The following TMLHE variants were observed in gnomAD, a reference collection of about 807,000 sequenced individuals.
TMLHE encodes the protein trimethyllysine hydroxylase, epsilon.
A neutral mutation model predicts 25.7 loss-of-function variants in TMLHE; 18 were observed. That is an observed-to-expected ratio of 0.70 (90% CI 0.48 to 1.04). TMLHE has a LOEUF of 1.04. Ranked by LOEUF, TMLHE falls within the 50% of genes least tolerant of loss-of-function variation. TMLHE has a pLI of 0.00. For missense variants in TMLHE, 236 were observed against 259.0 expected, an observed-to-expected ratio of 0.91 and a Z score of 0.61; for synonymous variants, 105 against 97.0, an observed-to-expected ratio of 1.08 and a Z score of -0.49.
chrX:155,602,258 C>G (rs1217882795), intron 1 of TMLHE, among the ~76,000 whole-genome samples: 2 of 111,483 alleles, frequency 1.8e-5, no homozygotes, highest in African/African-American at 6.5e-5. Flanking sequence ...AGGTAATACC[C>G]TATGTTACAT....
At chrX:155,584,017 G>T (rs1189353918) in intron 1 of TMLHE, among the ~76,000 whole-genome samples, 1 of 110,722 alleles carries the variant, frequency 9.0e-6, no homozygotes, top group Non-Finnish European at 1.9e-5. Context: ...CAATCAAAAA[G>T]ATATTCACAA....
rs1557345608 is a variant in TMLHE at position 155,588,849 on chromosome X, G to A, written c.-2+23943C>T. On this transcript the variant is annotated intron_variant, in intron 1 of 7. Coordinates refer to ENST00000334398, the MANE Select transcript of TMLHE (RefSeq NM_018196.4). ...CAACAAATGAACAAATGTTGATGAG[G>A]ATGTGGATAAAAGGGAACTCTCATC... Among the ~76,000 whole-genome samples the A allele has an allele frequency of 3.6e-5, 4 of 111,617 alleles. 1 individual carries two copies. The highest frequency in any genetic ancestry group is 7.5e-5 in the Non-Finnish European group (4 of 53,071).
chrX:155,585,410 CACACAA>C (rs1337525620), intron 1 of TMLHE, among the ~76,000 whole-genome samples: 1 of 51,929 alleles, frequency 1.9e-5, no homozygotes, highest in African/African-American at 5.9e-5. Context: ...ATTATACACA[CACACAA>C]ACACACACAC....
intron 1 of TMLHE, among the ~76,000 whole-genome samples, chrX:155,547,441 C>G (rs973566197): frequency 2.7e-5 from 3 of 112,079 alleles, no homozygotes; most frequent in African/African-American, 9.7e-5. Flanking sequence ...CCACGACCAG[C>G]TATAATAGGT....
At chrX:155,506,760 A>C in intron 6 of TMLHE, 138 bp downstream of exon 6, 1 of 529,165 alleles carries the variant, frequency 1.9e-6, no homozygotes, top group Non-Finnish European at 3.2e-6. Flanking sequence ...AGAAGAATAC[A>C]AACTGTTTGA....
In TMLHE at chrX:155,554,147, C is replaced by A. The variant is rs782490491; in HGVS notation, c.-1-8870G>T. 1.4e-4 allele frequency among the ~76,000 whole-genome samples: 15 copies of A among 110,264 alleles called. No homozygotes were observed. In the South Asian group the frequency reaches 5.8e-3, roughly 43 times the overall value. ...CCTCTTGAGTAGCTGGGACTACAGG[C>A]ATGCACTACCTTGCTTTGCCAAGAC... On this transcript the variant is annotated intron_variant, in intron 1 of 7. Transcript: ENST00000334398.
intron 2 of TMLHE, among the ~76,000 whole-genome samples, chrX:155,541,646 A>G (rs897216733): frequency 4.7e-4 from 52 of 111,573 alleles, no homozygotes; most frequent in Non-Finnish European, 7.0e-4. Context: ...GGTTGAACTA[A>G]TTTACACTCC....
chrX:155,602,978 C>T (rs1200105976), intron 1 of TMLHE, among the ~76,000 whole-genome samples: 2 of 111,857 alleles, frequency 1.8e-5, no homozygotes, highest in African/African-American at 6.5e-5. Context: ...AAATCCAATA[C>T]TGTTAGTTGG....
At chrX:155,547,291 C>G (rs1270916034) in intron 1 of TMLHE, among the ~76,000 whole-genome samples, 1 of 88,937 alleles carries the variant, frequency 1.1e-5, no homozygotes, top group Non-Finnish European at 2.3e-5. Flanking sequence ...ACTACAGGCA[C>G]CTGCCACCAC....
intron 2 of TMLHE, among the ~76,000 whole-genome samples, chrX:155,525,382 C>T (rs1308549769): frequency 8.9e-6 from 1 of 112,062 alleles, no homozygotes; most frequent in Admixed American, 9.4e-5. Context: ...CTGAGGCCTC[C>T]CAGCCATGCT....
At chrX:155,525,050 T>C (rs1257067600) in intron 2 of TMLHE, among the ~76,000 whole-genome samples, 3 of 111,786 alleles carry the variant, frequency 2.7e-5, no homozygotes, top group Non-Finnish European at 5.6e-5. Flanking sequence ...GAGTACTAAA[T>C]TTAGAAAATG....
At chrX:155,609,152 T>C (rs1269017211) in intron 1 of TMLHE, among the ~76,000 whole-genome samples, 1 of 112,151 alleles carries the variant, frequency 8.9e-6, no homozygotes, top group African/African-American at 3.2e-5. Flanking sequence ...TGCCCATCAG[T>C]GGTATATGGA....
chrX:155,598,265 C>A (rs925652631), intron 1 of TMLHE, among the ~76,000 whole-genome samples: 1 of 110,560 alleles, frequency 9.0e-6, no homozygotes, highest in African/African-American at 3.3e-5. Flanking sequence ...ATGTTTATTG[C>A]GGCACTATTC....
intron 2 of TMLHE, among the ~76,000 whole-genome samples, chrX:155,534,646 T>C (rs1557337413): frequency 1.8e-5 from 2 of 111,935 alleles, no homozygotes. Context: ...TGCCTCAGGA[T>C]AAATTGTACC....
At chrX:155,578,796 A>G (rs782241613) in intron 1 of TMLHE, among the ~76,000 whole-genome samples, 1 of 111,284 alleles carries the variant, frequency 9.0e-6, no homozygotes, top group South Asian at 3.8e-4. Flanking sequence ...AGCTCAGCCC[A>G]CTGCTGCCAC....
intron 2 of TMLHE, among the ~76,000 whole-genome samples, chrX:155,526,063 C>T (rs782145498): frequency 1.8e-5 from 2 of 112,755 alleles, no homozygotes; most frequent in Non-Finnish European, 3.8e-5. Context: ...CAGAAATTTC[C>T]ATAAGCAAAG....
Position 155,535,698 on chromosome X carries a change from A to G in TMLHE, c.181+9398T>C, listed in dbSNP as rs80243038. Among the ~76,000 whole-genome samples, 4 of 112,008 alleles carry G rather than the reference A, an allele frequency of 3.6e-5. No homozygotes were observed. The East Asian group carries it at 1.1e-3, about 31-fold the overall frequency. On this transcript the variant is annotated intron_variant, in intron 2 of 7. Coordinates refer to ENST00000334398, the MANE Select transcript of TMLHE (RefSeq NM_018196.4). ...TAGTGAGTTGGCAAGAGTAGCTAAT[A>G]CTACCACCTTAATAGCATTTGAAAC...
chrX:155,550,218 T>C (rs1382600086), intron 1 of TMLHE, among the ~76,000 whole-genome samples: 2 of 111,097 alleles, frequency 1.8e-5, no homozygotes, highest in Non-Finnish European at 3.8e-5. Flanking sequence ...GAATGATTTT[T>C]TTTTGGTCTT....
chrX:155,548,671 G>C lies in TMLHE; in HGVS notation c.-1-3394C>G, dbSNP rs1476170107. Among the ~76,000 whole-genome samples, 4 of 108,255 alleles carry C rather than the reference G, an allele frequency of 3.7e-5. 1 individual carries two copies. Among genetic ancestry groups the C allele is most frequent in the African/African-American group, 1.4e-4 (4 of 29,179 alleles). The allele number at this position is 108,255 out of a possible 115,157, so 94.0% of individuals were successfully genotyped here. On this transcript the variant is annotated intron_variant, in intron 1 of 7. Transcript: ENST00000334398. ...AATCGCTTGAACCCAGGAGGCAAAGGTTGCAGTGAGCTGAGATTGTGCCAC... is the reference window on the plus strand; with the variant it reads ...AATCGCTTGAACCCAGGAGGCAAAGCTTGCAGTGAGCTGAGATTGTGCCAC...
Sources: gnomAD v4.1 joint callset for allele counts (sites outside exome capture counted in the v4.1 genomes callset) on GRCh38, gnomAD v4.1.1 for gene constraint, MANE v1.5 for transcripts, NCBI Gene and HGNC (gene_info 2026-07-23, HGNC 2026-07-21) for gene names.